The following HSD17B12 variants were observed in gnomAD, a reference collection of about 807,000 sequenced individuals.
The protein encoded by HSD17B12 is hydroxysteroid 17-beta dehydrogenase 12.
In HSD17B12, 32 loss-of-function variants were observed where a neutral mutation model predicts 39.3. The observed-to-expected ratio is 0.81, with a 90% CI of 0.61 to 1.09. HSD17B12 has a LOEUF of 1.09. Among genes scored for constraint, HSD17B12 ranks in the 50% least tolerant of loss-of-function variants. The pLI, the probability that HSD17B12 is intolerant of heterozygous loss-of-function variation, is 0.00. For missense variants in HSD17B12, 342 were observed against 382.9 expected (o/e 0.89, Z 0.89); for synonymous variants, 150 against 146.7 (o/e 1.02, Z -0.16).
At chr11:43,710,153 T>C (rs1950051494) in intron 1 of HSD17B12, among the ~76,000 whole-genome samples, 1 of 152,246 alleles carries the variant, frequency 6.6e-6, no homozygotes, top group African/African-American at 2.4e-5. Context: ...AGGCTTTCTT[T>C]TTCTTAACTC....
intron 1 of HSD17B12, among the ~76,000 whole-genome samples, chr11:43,684,549 C>A (rs1176394912): frequency 6.6e-6 from 1 of 152,162 alleles, no homozygotes; most frequent in Non-Finnish European, 1.5e-5. Context: ...AGTAGACTTC[C>A]AATGTCAAGA....
chr11:43,698,914 A>G (rs1036514633), intron 1 of HSD17B12, among the ~76,000 whole-genome samples: 2 of 152,232 alleles, frequency 1.3e-5, no homozygotes, highest in African/African-American at 2.4e-5. Flanking sequence ...TCTAATATAT[A>G]TCAATTTTAG....
upstream of HSD17B12, among the ~76,000 whole-genome samples, chr11:43,677,177 G>T (rs368891794): frequency 1.3e-5 from 2 of 152,156 alleles, no homozygotes; most frequent in African/African-American, 4.8e-5. Context: ...AATGGAGAAG[G>T]GGGGGTTTGG....
intron 1 of HSD17B12, among the ~76,000 whole-genome samples, chr11:43,715,211 A>G (rs548543080): frequency 6.6e-6 from 1 of 152,178 alleles, no homozygotes; most frequent in African/African-American, 2.4e-5. Flanking sequence ...CCAGTTTTCA[A>G]AGGGAATGCT....
At chr11:43,609,714 AC>A in the HSD17B12 span, among the ~76,000 whole-genome samples, 1 of 151,926 alleles carries the variant, frequency 6.6e-6, no homozygotes, top group Non-Finnish European at 1.5e-5. Flanking sequence ...AAGAAAGAGG[AC>A]CCCCAACTTG....
At chr11:43,761,480 A>G (rs1313056117) in intron 3 of HSD17B12, among the ~76,000 whole-genome samples, 4 of 152,178 alleles carry the variant, frequency 2.6e-5, no homozygotes, top group Non-Finnish European at 4.4e-5. Flanking sequence ...AACCACCCCA[A>G]ACTTATTGTG....
rs778090881 is a variant in HSD17B12 at position 43,854,780 on chromosome 11, C to G, written c.750C>G (p.Pro250=). ...AKIRKPTLDK[P]SPETFVKSAI... is the part of the protein sequence containing the mutation. ...TCCGGAAGCCAACTTTGGATAAGCC[C>G]TCTCCGGAGACGTTTGTGAAGTCTG... Residue 250 remains proline (P), a synonymous_variant, in exon 10 of 11, where the codon CCC becomes CCG. Coordinates refer to ENST00000278353, the MANE Select transcript of HSD17B12 (RefSeq NM_016142.3). 2 of 1,614,112 alleles carry G rather than the reference C, an allele frequency of 1.2e-6. No homozygotes were observed.
intron 3 of HSD17B12, among the ~76,000 whole-genome samples, chr11:43,763,537 C>G (rs1488758607): frequency 2.0e-5 from 3 of 150,604 alleles, no homozygotes; most frequent in Non-Finnish European, 4.4e-5. Context: ...TGGTTCCAGA[C>G]AGTTTAATTC....
intron 1 of HSD17B12, chr11:43,733,718 C>T (rs1304045638): frequency 3.5e-6 from 2 of 569,660 alleles, no homozygotes; most frequent in African/African-American, 1.9e-5. Context: ...ATGTGGAGGT[C>T]AGAGTGGAAG....
the HSD17B12 span, among the ~76,000 whole-genome samples, chr11:43,649,813 C>T: frequency 3.9e-5 from 6 of 152,190 alleles, no homozygotes; most frequent in Non-Finnish European, 8.8e-5. Context: ...AGTTTGGTTT[C>T]CTGCCTTTTG....
At chr11:43,749,234 G>C (rs926986110) in intron 1 of HSD17B12, among the ~76,000 whole-genome samples, 1 of 152,084 alleles carries the variant, frequency 6.6e-6, no homozygotes, top group African/African-American at 2.4e-5. Flanking sequence ...TAAATTGAGA[G>C]GGTGAAGGGA....
chr11:43,685,629 C>T (rs1279521618), intron 1 of HSD17B12, among the ~76,000 whole-genome samples: 1 of 152,098 alleles, frequency 6.6e-6, no homozygotes, highest in Non-Finnish European at 1.5e-5. Flanking sequence ...TAGTAAATTG[C>T]TTTCATTATC....
In HSD17B12 at chr11:43,687,933, T is replaced by C. The variant is rs548718232; in HGVS notation, c.160+6946T>C. Among the ~76,000 whole-genome samples, 29 of 152,318 alleles carry C rather than the reference T, an allele frequency of 1.9e-4. No homozygotes were observed. In the Middle Eastern group the frequency reaches 0.01, roughly 54 times the overall value. ...TGCCTTTTTTAAAATGTCAATTGGC[T>C]GGGCGCAGTGGCTCATGCCTGTAAT... is the stretch of plus-strand genomic sequence containing the variant. On this transcript the variant is annotated intron_variant, in intron 1 of 10. Transcript: ENST00000278353.
intron 6 of HSD17B12, chr11:43,829,870 A>T (rs1188744267): frequency 4.9e-5 from 7 of 144,006 alleles, no homozygotes; most frequent in Non-Finnish European, 1.1e-4. Flanking sequence ...TGTGCTAAAT[A>T]AAAAAAAAAA....
chr11:43,638,194 C>T, the HSD17B12 span, among the ~76,000 whole-genome samples: 1 of 152,122 alleles, frequency 6.6e-6, no homozygotes, highest in Admixed American at 6.6e-5. Context: ...CTAAATGGGA[C>T]CTTGGAGATT....
chr11:43,648,724 A>G, the HSD17B12 span, among the ~76,000 whole-genome samples: 4 of 148,740 alleles, frequency 2.7e-5, no homozygotes, highest in Non-Finnish European at 5.9e-5. Flanking sequence ...GGATTTGAAA[A>G]TTTTTTTTGT....
At chr11:43,610,568 C>T in the HSD17B12 span, among the ~76,000 whole-genome samples, 1 of 152,046 alleles carries the variant, frequency 6.6e-6, no homozygotes, top group Admixed American at 6.6e-5. Flanking sequence ...TTCAGTTTCC[C>T]CATATGCAAA....
At chr11:43,662,212 T>C in the HSD17B12 span, among the ~76,000 whole-genome samples, 21 of 151,358 alleles carry the variant, frequency 1.4e-4, no homozygotes, top group African/African-American at 4.6e-4. Flanking sequence ...TTTTTTTTTT[T>C]TTTTGAGACG....
chr11:43,688,688 CAA>C (rs1269221648), intron 1 of HSD17B12, among the ~76,000 whole-genome samples: 1 of 152,142 alleles, frequency 6.6e-6, no homozygotes, highest in Non-Finnish European at 1.5e-5. Context: ...TGGTGCCTCT[CAA>C]GAGTATTACA....
Sources: gnomAD v4.1 joint callset for allele counts (sites outside exome capture counted in the v4.1 genomes callset) on GRCh38, gnomAD v4.1.1 for gene constraint, MANE v1.5 for transcripts, NCBI Gene and HGNC (gene_info 2026-07-23, HGNC 2026-07-21) for gene names.